INPP4A: variants seen among roughly 807,000 people sequenced by gnomAD.
INPP4A encodes inositol polyphosphate-4-phosphatase type I A, also known as inositol polyphosphate-4-phosphatase, type I, 107kD.
A neutral mutation model predicts 119.8 loss-of-function variants in INPP4A; 33 were observed. The ratio of observed to expected loss-of-function variants is 0.28; its 90% CI spans 0.21 to 0.37. INPP4A has a LOEUF of 0.37. Ranked by LOEUF, INPP4A falls within the 10% of genes least tolerant of loss-of-function variation. The pLI, the probability that INPP4A is intolerant of heterozygous loss-of-function variation, is 1.00. For missense variants in INPP4A, 956 were observed against 1,289.9 expected, an observed-to-expected ratio of 0.74 and a Z score of 3.97; for synonymous variants, 496 against 500.7, an observed-to-expected ratio of 0.99 and a Z score of 0.12.
chr2:98,515,579 G>A (rs368634007), intron 1 of INPP4A, among the ~76,000 whole-genome samples: 4 of 152,146 alleles, frequency 2.6e-5, no homozygotes, highest in Non-Finnish European at 5.9e-5. Flanking sequence ...CTGAGCATCC[G>A]TGACCTCATC....
At chr2:98,544,044 C>T (rs774511479) in intron 11 of INPP4A, 37 bp downstream of exon 11, 59 of 1,511,020 alleles carry the variant, frequency 3.9e-5, no homozygotes, top group African/African-American at 8.6e-5. Flanking sequence ...CACACGCGTG[C>T]GCACACACAC....
intron 1 of INPP4A, among the ~76,000 whole-genome samples, chr2:98,497,007 T>A (rs565479056): frequency 3.3e-5 from 5 of 152,206 alleles, no homozygotes; most frequent in Non-Finnish European, 7.3e-5. Context: ...CACCCTACTC[T>A]TAGCAGGTCA....
At chr2:98,449,618 G>C (rs1694880027) in intron 1 of INPP4A, among the ~76,000 whole-genome samples, 1 of 152,166 alleles carries the variant, frequency 6.6e-6, no homozygotes, top group African/African-American at 2.4e-5. Context: ...GTTTCCTTTA[G>C]TGGAGAGTGG....
rs377587210 is a variant in INPP4A at position 98,544,026 on chromosome 2, T to G, written c.949+19T>G. Reference sequence around the variant, plus strand: ...TACAGAGGTGGGTGCACCCCCATGCTGTCACCACACACGCGTGCGCACACA... The same window carrying G: ...TACAGAGGTGGGTGCACCCCCATGCGGTCACCACACACGCGTGCGCACACA... On this transcript the variant is annotated intron_variant, in intron 11 of 24. Transcript: ENST00000409851. The G allele has an allele frequency of 1.3e-6, 2 of 1,550,416 alleles. No homozygotes were observed. The highest frequency in any genetic ancestry group is 2.8e-5 in the African/African-American group (2 of 72,682).
intron 15 of INPP4A, 146 bp from the exon 16 acceptor site, chr2:98,555,407 A>G (rs746623944): frequency 3.0e-5 from 25 of 824,600 alleles, no homozygotes; most frequent in Non-Finnish European, 4.3e-5. Flanking sequence ...GGGAATTAGG[A>G]ATCATCTTTA....
At chr2:98,524,609 C>T (rs1687850316) in intron 4 of INPP4A, among the ~76,000 whole-genome samples, 1 of 152,146 alleles carries the variant, frequency 6.6e-6, no homozygotes, top group Non-Finnish European at 1.5e-5. Context: ...CCTGAAAGAC[C>T]TGAATATTCC....
chr2:98,517,691 C>G (rs1486537962), intron 1 of INPP4A, among the ~76,000 whole-genome samples: 1 of 152,172 alleles, frequency 6.6e-6, no homozygotes, highest in Non-Finnish European at 1.5e-5. Flanking sequence ...CCAGAACATT[C>G]TTTTCTTACC....
chr2:98,501,946 G>A (rs1347929357), intron 1 of INPP4A, among the ~76,000 whole-genome samples: 1 of 152,220 alleles, frequency 6.6e-6, no homozygotes, highest in Admixed American at 6.5e-5. Flanking sequence ...GTTAGTCTTG[G>A]CCTGTGCAGG....
chr2:98,448,046 CAAAAAAA>C (rs35998148), intron 1 of INPP4A, among the ~76,000 whole-genome samples: 26 of 64,200 alleles, frequency 4.0e-4, no homozygotes, highest in Middle Eastern at 0.01. Flanking sequence ...GACTCTGTCT[CAAAAAAA>C]AAAAAAAAAA....
At chr2:98,520,207 G>T in intron 3 of INPP4A, 53 bp downstream of exon 3, 1 of 1,315,616 alleles carries the variant, frequency 7.6e-7, no homozygotes. Context: ...ACAGCACCTG[G>T]GCTCCACACT....
In INPP4A at chr2:98,569,364, C is replaced by T. The variant is rs1697041519; in HGVS notation, c.2518+696C>T. On this transcript the variant is annotated intron_variant, in intron 22 of 24. Transcript: ENST00000409851. The surrounding 1 kb of genome is among the most constrained non-coding windows in gnomAD (Gnocchi z 5.1). ...AAAGCTGGTCCCAGAGTGCCGGCCTCTCTGTGCAGGCGCTGCCACAGCCAC... is the reference window on the plus strand; with the variant it reads ...AAAGCTGGTCCCAGAGTGCCGGCCTTTCTGTGCAGGCGCTGCCACAGCCAC... 1 of 152,440 alleles carries T rather than the reference C, an allele frequency of 6.6e-6. No individual in the cohort carries two copies. The highest frequency in any genetic ancestry group is 2.4e-5 in the African/African-American group (1 of 41,448). The allele number at this position is 152,440 out of a possible 1,614,324, so 9.4% of individuals were successfully genotyped here.
At chr2:98,572,011 G>A in intron 22 of INPP4A, 1 of 152,656 alleles carries the variant, frequency 6.6e-6, no homozygotes, top group Non-Finnish European at 1.5e-5. Context: ...CCAGGGCGAG[G>A]CTGTGTGGTG....
In INPP4A at chr2:98,520,178, G is replaced by A. The variant is rs41460047; in HGVS notation, c.106+24G>A. ...AGGTGAGCCTCACAGGGCCTGCACC[G>A]GGCTCCAGGTATGAGCTCACAGCAC... On this transcript the variant is annotated intron_variant, in intron 3 of 24. Coordinates refer to ENST00000409851, the MANE Select transcript of INPP4A (RefSeq NM_001134225.2). The A allele has an allele frequency of 7.1e-4, 1,083 of 1,531,374 alleles. 12 individuals are homozygous for A. In the East Asian group the frequency reaches 0.014, roughly 20 times the overall value. The allele number at this position is 1,531,374 out of a possible 1,614,324, so 94.9% of individuals were successfully genotyped here.
In INPP4A at chr2:98,545,958, C is replaced by T; in HGVS notation, c.950-11C>T. 6.4e-7 allele frequency: 1 copy of T among 1,568,900 alleles called. No homozygotes were observed. The highest frequency in any genetic ancestry group is 8.7e-7 in the Non-Finnish European group (1 of 1,154,586). ...CTGATGGCCTTTATCTTCTCCTATT[C>T]CATTTCTTAGGGCCCTCGTTTAAAG... is the stretch of plus-strand genomic sequence containing the variant. On this transcript the variant is annotated splice_polypyrimidine_tract_variant and intron_variant, in intron 11 of 24. Transcript: ENST00000409851.
intron 7 of INPP4A, 95 bp downstream of exon 7, chr2:98,536,303 C>G (rs1184014066): frequency 2.5e-5 from 19 of 747,188 alleles, no homozygotes; most frequent in Middle Eastern, 2.3e-4. Context: ...GAGAGAGCAC[C>G]CTTCCCTTCC....
intron 23 of INPP4A, among the ~76,000 whole-genome samples, chr2:98,573,348 T>A (rs543832537): frequency 6.6e-6 from 1 of 152,326 alleles, no homozygotes; most frequent in Admixed American, 6.5e-5. Context: ...CTTACCCTGC[T>A]CATATTTTCT....
intron 1 of INPP4A, among the ~76,000 whole-genome samples, chr2:98,482,404 T>G (rs1008316033): frequency 6.6e-6 from 1 of 152,244 alleles, no homozygotes; most frequent in African/African-American, 2.4e-5. Flanking sequence ...ATGTTAGGAT[T>G]GGTTGCACCT....
rs148851052 is a variant in INPP4A, at chr2:98,495,329, C to T, written c.-165-23635C>T. On this transcript the variant is annotated intron_variant, in intron 1 of 24. Coordinates refer to ENST00000409851, the MANE Select transcript of INPP4A (RefSeq NM_001134225.2). ...CTACGTGTCTATTTTTATACCAGTACCTTACTGGTGCCCAGAAATAAATTT... is the reference window on the plus strand; with the variant it reads ...CTACGTGTCTATTTTTATACCAGTATCTTACTGGTGCCCAGAAATAAATTT... Among the ~76,000 whole-genome samples the T allele has an allele frequency of 4.2e-3, 642 of 152,246 alleles. 5 individuals carry two copies. The highest frequency in any genetic ancestry group is 0.015 in the African/African-American group (624 of 41,528).
chr2:98,518,133 A>G lies in INPP4A; in HGVS notation c.-165-831A>G, dbSNP rs1686503492. Among the ~76,000 whole-genome samples, 5 of 152,332 alleles carry G rather than the reference A, an allele frequency of 3.3e-5. No homozygotes were observed. In the South Asian group the frequency reaches 8.3e-4, roughly 25 times the overall value. ...GTACAACCATTACTGTAAAAAGCAG[A>G]TATTAGTACTGTAAGCACTTTCCTG... On this transcript the variant is annotated intron_variant, in intron 1 of 24. Coordinates refer to ENST00000409851, the MANE Select transcript of INPP4A (RefSeq NM_001134225.2).
Sources: gnomAD v4.1 joint callset for allele counts (sites outside exome capture counted in the v4.1 genomes callset) on GRCh38, gnomAD v4.1.1 for gene constraint, Gnocchi (gnomAD v3.1) non-coding constraint, MANE v1.5 for transcripts, NCBI Gene and HGNC (gene_info 2026-07-23, HGNC 2026-07-21) for gene names.